Variants in PDE1C observed in about 807,000 individuals in gnomAD.
PDE1C encodes phosphodiesterase 1C, also known as dual specificity calcium/calmodulin-dependent 3',5'-cyclic nucleotide phosphodiesterase 1C.
In PDE1C, 62 loss-of-function variants were observed where a neutral mutation model predicts 93.1. The observed-to-expected ratio is 0.67, with a 90% CI of 0.54 to 0.82. PDE1C has a LOEUF of 0.82. Ranked by LOEUF, PDE1C falls within the 40% of genes least tolerant of loss-of-function variation. The pLI is 0.00. For missense variants in PDE1C, 742 were observed against 884.6 expected, an observed-to-expected ratio of 0.84 and a Z score of 2.04; for synonymous variants, 325 against 310.1, an observed-to-expected ratio of 1.05 and a Z score of -0.50.
rs115911795 is a variant in PDE1C, at chr7:31,863,866, T to C, written c.750+1076A>G. Among the ~76,000 whole-genome samples the C allele has an allele frequency of 5.4e-3, 825 of 152,244 alleles. 6 individuals carry two copies. Among genetic ancestry groups the C allele is most frequent in the African/African-American group, 0.019 (784 of 41,546 alleles). Reference sequence around the variant, plus strand: ...ATAGGTCACAATATCTAGTAAGCAATTAGGCAGGGATTTATAGCCACTGTA... The same window carrying C: ...ATAGGTCACAATATCTAGTAAGCAACTAGGCAGGGATTTATAGCCACTGTA... On this transcript the variant is annotated intron_variant, in intron 7 of 17. Transcript: ENST00000396191.
intron 2 of PDE1C, among the ~76,000 whole-genome samples, chr7:31,962,698 G>C (rs1260426875): frequency 6.6e-6 from 1 of 152,178 alleles, no homozygotes; most frequent in East Asian, 1.9e-4. Context: ...AATGGACACA[G>C]AACATCACCA....
intron 2 of PDE1C, among the ~76,000 whole-genome samples, chr7:31,920,271 A>T (rs1349843365): frequency 2.6e-5 from 4 of 152,112 alleles, no homozygotes; most frequent in African/African-American, 9.7e-5. Context: ...GGACACACAG[A>T]TATCTCCAGG....
At chr7:32,145,750 T>G (rs1391921992) in intron 3 of PDE1C, among the ~76,000 whole-genome samples, 4 of 152,148 alleles carry the variant, frequency 2.6e-5, no homozygotes, top group Non-Finnish European at 5.9e-5. Flanking sequence ...TCACCATAAT[T>G]CTGATGCAAG....
Position 31,879,172 on chromosome 7 carries a change from G to A in PDE1C, c.249C>T (p.Leu83=). ...ESVYIDETRR[L]LDTEDELSDI... is the part of the protein sequence containing the mutation. ...CACTGAGCTCATCCTCTGTATCCAG[G>A]AGTCTCCTGAACACAAGAAACAGAA... The change falls in exon 4 of 18, where the codon CTC becomes CTT. Residue 83 remains leucine, a synonymous_variant. Transcript: ENST00000396191. 6.2e-7 allele frequency: 1 copy of A among 1,612,776 alleles called. No individual in the cohort carries two copies. The highest frequency in any genetic ancestry group is 2.2e-5 in the East Asian group (1 of 44,848).
At chr7:32,392,827 G>A (rs4723154) in intron 1 of PDE1C, among the ~76,000 whole-genome samples, 15,724 of 151,902 alleles carry the variant, frequency 0.1, 927 homozygotes, top group African/African-American at 0.16. Context: ...GAGACGGGCA[G>A]ATCACAAGGT....
At chr7:31,692,499 C>G in the PDE1C span, 1 of 1,610,102 alleles carries the variant, frequency 6.2e-7, no homozygotes. Flanking sequence ...ACTGGACAAG[C>G]TAGACCCTCG....
intron 1 of PDE1C, among the ~76,000 whole-genome samples, chr7:32,253,388 C>T (rs986387359): frequency 6.6e-6 from 1 of 152,128 alleles, no homozygotes; most frequent in Non-Finnish European, 1.5e-5. Context: ...CTGGCCTTTA[C>T]CGAAACCCCA....
At chr7:32,140,391 A>C (rs1439033199) in intron 3 of PDE1C, among the ~76,000 whole-genome samples, 1 of 152,226 alleles carries the variant, frequency 6.6e-6, no homozygotes, top group Admixed American at 6.5e-5. Flanking sequence ...TTAGCAGACC[A>C]GTCAGAGTGG....
chr7:32,387,682 ACC>A (rs575212038), intron 1 of PDE1C, among the ~76,000 whole-genome samples: 2 of 81,172 alleles, frequency 2.5e-5, no homozygotes, highest in Non-Finnish European at 2.4e-5. Flanking sequence ...CGGGGGGCTG[ACC>A]CCCCCCACCT....
At chr7:32,172,178 G>T (rs1802695581) in intron 2 of PDE1C, among the ~76,000 whole-genome samples, 1 of 151,902 alleles carries the variant, frequency 6.6e-6, no homozygotes, top group Admixed American at 6.6e-5. Context: ...CCGTTGGCTT[G>T]TTCTGGTTAT....
chr7:32,248,854 C>G (rs1283459630), intron 1 of PDE1C, among the ~76,000 whole-genome samples: 1 of 152,042 alleles, frequency 6.6e-6, no homozygotes, highest in Non-Finnish European at 1.5e-5. Context: ...TTGTTTTTTG[C>G]TTTGTACGTG....
intron 1 of PDE1C, among the ~76,000 whole-genome samples, chr7:32,055,974 C>T (rs1322236863): frequency 6.6e-6 from 1 of 152,190 alleles, no homozygotes; most frequent in Admixed American, 6.5e-5. Context: ...TCTGCCTCAG[C>T]CTCTCAAAGT....
At chr7:31,799,211 G>A (rs1785683068) in intron 16 of PDE1C, among the ~76,000 whole-genome samples, 1 of 151,628 alleles carries the variant, frequency 6.6e-6, no homozygotes, top group Admixed American at 6.6e-5. Context: ...AGACATACAT[G>A]TGTCAGTTCT....
the PDE1C span, among the ~76,000 whole-genome samples, chr7:31,621,850 T>C: frequency 2.6e-5 from 4 of 151,802 alleles, no homozygotes; most frequent in African/African-American, 9.7e-5. Flanking sequence ...GTGTGTTGTA[T>C]TCAGGAAACC....
chr7:32,395,615 A>G (rs1290406100), intron 1 of PDE1C, among the ~76,000 whole-genome samples: 2 of 152,174 alleles, frequency 1.3e-5, no homozygotes, highest in African/African-American at 4.8e-5. Context: ...TGTTATTCCA[A>G]TGACCTAAAC....
chr7:31,781,996 G>A (rs62457309), intron 16 of PDE1C, among the ~76,000 whole-genome samples: 6,121 of 152,180 alleles, frequency 0.04, 292 homozygotes, highest in East Asian at 0.19. Flanking sequence ...CTGTGACCCA[G>A]TAATTGTATA....
chr7:32,013,900 T>A (rs982418454), intron 2 of PDE1C, among the ~76,000 whole-genome samples: 1 of 152,234 alleles, frequency 6.6e-6, no homozygotes, highest in Non-Finnish European at 1.5e-5. Context: ...TGGGCCTTCC[T>A]CAACTGCAGT....
At chr7:32,421,086 AACAC>A (rs3079693) in intron 1 of PDE1C, among the ~76,000 whole-genome samples, 28,295 of 150,380 alleles carry the variant, frequency 0.19, 2,816 homozygotes, top group East Asian at 0.3. Context: ...GATTAAAACT[AACAC>A]ACACACACAC....
chr7:31,801,101 A>G (rs1488761670), intron 16 of PDE1C, among the ~76,000 whole-genome samples: 1 of 150,962 alleles, frequency 6.6e-6, no homozygotes, highest in African/African-American at 2.4e-5. Flanking sequence ...TATGAGACAA[A>G]GTAAACCCAA....
Sources: allele counts gnomAD v4.1 joint callset (sites outside exome capture counted in the v4.1 genomes callset), GRCh38; gene constraint gnomAD v4.1.1; transcripts MANE v1.5; gene names NCBI Gene and HGNC (gene_info 2026-07-23, HGNC 2026-07-21).